PIK3R1: variants seen among roughly 807,000 people sequenced by gnomAD.
PIK3R1 encodes the protein phosphatidylinositol 3-kinase regulatory subunit alpha.
PIK3R1 carries 29 observed loss-of-function variants against 98.0 expected under a neutral mutation model. The observed-to-expected ratio is 0.30, with a 90% confidence interval of 0.22 to 0.40. PIK3R1 has a LOEUF of 0.40. Among genes scored for constraint, PIK3R1 ranks in the 10% least tolerant of loss-of-function variants. PIK3R1 has a pLI of 1.00. For missense variants in PIK3R1, 596 were observed against 872.7 expected (o/e 0.68, Z 3.99); for synonymous variants, 282 against 311.8 (o/e 0.90, Z 1.01).
At chr5:68,262,825 GTAGATACATGTATA>G (rs1745886241) in intron 2 of PIK3R1, among the ~76,000 whole-genome samples, 1 of 109,344 alleles carries the variant, frequency 9.1e-6, no homozygotes, top group Non-Finnish European at 1.9e-5. Flanking sequence ...GTAGATACAT[GTAGATACATGTATA>G]CATGTAGATA....
intron 2 of PIK3R1, among the ~76,000 whole-genome samples, chr5:68,232,580 G>C (rs1420500419): frequency 6.6e-6 from 1 of 152,184 alleles, no homozygotes; most frequent in Non-Finnish European, 1.5e-5. Context: ...TAGAGCTGCG[G>C]TGACAGTTAA....
intron 1 of PIK3R1, among the ~76,000 whole-genome samples, chr5:68,221,567 A>G (rs1316490631): frequency 1.3e-5 from 2 of 152,226 alleles, no homozygotes; most frequent in African/African-American, 4.8e-5. Flanking sequence ...GATTAATTTA[A>G]TGTGATTTAA....
chr5:68,296,300 C>G lies in PIK3R1; in HGVS notation c.1944C>G (p.Val648=). ...LRGKRDGTFL[V]RESSKQGCYA... ...GGAAGCGAGATGGCACTTTTCTTGT[C>G]CGGGAGAGCAGTAAACAGGGCTGCT... The change falls in exon 15 of 16, where the codon GTC becomes GTG. Residue 648 remains valine, a synonymous_variant. Coordinates refer to ENST00000521381, the MANE Select transcript of PIK3R1 (RefSeq NM_181523.3). 6.2e-7 allele frequency: 1 copy of G among 1,614,130 alleles called. No homozygotes were observed. Among genetic ancestry groups the G allele is most frequent in the Non-Finnish European group, 8.5e-7 (1 of 1,180,022 alleles).
At chr5:68,249,038 A>G (rs1361607477) in intron 2 of PIK3R1, among the ~76,000 whole-genome samples, 1 of 152,246 alleles carries the variant, frequency 6.6e-6, no homozygotes, top group Non-Finnish European at 1.5e-5. Context: ...AGATAGCTTC[A>G]TAAATATTAC....
At chr5:68,290,768 G>A (rs1271846284) in intron 7 of PIK3R1, 1 of 1,613,690 alleles carries the variant, frequency 6.2e-7, no homozygotes, top group Admixed American at 1.7e-5. Context: ...CCTGGATTTA[G>A]AATATGCCAA....
intron 2 of PIK3R1, among the ~76,000 whole-genome samples, chr5:68,248,315 A>G (rs188789316): frequency 3.9e-5 from 6 of 152,144 alleles, no homozygotes; most frequent in Non-Finnish European, 7.4e-5. Context: ...TTTCCCCACT[A>G]TCTGGATAGA....
At position 68,218,430 on chromosome 5, in the gene PIK3R1, A is replaced by G. The variant is rs541456700; in HGVS notation, c.-387+2481A>G. 1.2e-3 allele frequency among the ~76,000 whole-genome samples: 188 copies of G among 152,224 alleles called. 2 individuals carry two copies. The South Asian group carries it at 0.014, about 11-fold the overall frequency. ...ATATCAACCTAAATTGATATGTTCAATCAACATATTGGTCGTTCAGGGGAG... is the reference window on the plus strand; with the variant it reads ...ATATCAACCTAAATTGATATGTTCAGTCAACATATTGGTCGTTCAGGGGAG... On this transcript the variant is annotated intron_variant, in intron 1 of 15. Coordinates refer to ENST00000521381, the MANE Select transcript of PIK3R1 (RefSeq NM_181523.3).
In PIK3R1 at chr5:68,298,097, A is replaced by AT. The variant is rs764804986; in HGVS notation, c.*499dup. 6.5e-5 allele frequency: 15 copies of AT among 230,832 alleles called. 1 individual carries two copies. Among genetic ancestry groups the AT allele is most frequent in the Non-Finnish European group, 4.3e-5 (5 of 116,412 alleles). 14.3% of individuals were successfully genotyped at this position (230,832 alleles called of 1,614,324 possible). Reference sequence around the variant, plus strand: ...ACCCAGACACATCGCACTGTGGATTATTTCATTTTGTAACAAATGAACGAT... The same window carrying AT: ...ACCCAGACACATCGCACTGTGGATTATTTTCATTTTGTAACAAATGAACGAT... On this transcript the variant is annotated 3_prime_UTR_variant, in exon 16 of 16. Transcript: ENST00000521381.
chr5:68,299,196 T>C lies in PIK3R1; in HGVS notation c.*1595T>C, dbSNP rs1383300211. On this transcript the variant is annotated 3_prime_UTR_variant, in exon 16 of 16. Coordinates refer to ENST00000521381, the MANE Select transcript of PIK3R1 (RefSeq NM_181523.3). ...TAATCATCTCTGTCACATTAGACTA[T>C]CCATCATGACCAGCAAATACTCATT... The C allele has an allele frequency of 4.3e-6, 1 of 233,294 alleles. No homozygotes were observed. Among genetic ancestry groups the C allele is most frequent in the Non-Finnish European group, 8.5e-6 (1 of 117,942 alleles). The allele number at this position is 233,294 out of a possible 1,614,324, so 14.5% of individuals were successfully genotyped here.
Position 68,293,061 on chromosome 5 carries a change from T to A in PIK3R1, c.1020-40T>A, listed in dbSNP as rs549379116. The A allele has an allele frequency of 2.7e-6, 4 of 1,503,042 alleles. No individual in the cohort carries two copies. The South Asian group carries it at 4.6e-5, about 17-fold the overall frequency. 93.1% of individuals were successfully genotyped at this position (1,503,042 alleles called of 1,614,324 possible). On this transcript the variant is annotated intron_variant, in intron 8 of 15. Transcript: ENST00000521381. ...TTAAAAAATATAAATCTGTGGTCAC[T>A]AAACCTTAAGATGAGCATTGTTTTG...
chr5:68,241,554 T>C (rs1270916654), intron 2 of PIK3R1, among the ~76,000 whole-genome samples: 2 of 152,218 alleles, frequency 1.3e-5, no homozygotes, highest in African/African-American at 4.8e-5. Context: ...CATTGAACAT[T>C]TGCTTTGTTC....
At position 68,293,762 on chromosome 5, in the gene PIK3R1, A is replaced by C. The variant is rs1747527919; in HGVS notation, c.1353A>C (p.Glu451Asp). ...AAGCTGTAGGGAAAAAATTACATGA[A>C]TATAACACTCAGTTTCAAGAAAAAA... ...NIEAVGKKLH[E>D]YNTQFQEKSR... The change falls in exon 11 of 16, where the codon GAA (glutamate) becomes GAC (aspartate). Residue 451 changes from glutamate to aspartate, a missense_variant. Glu to Asp is a conservative substitution (Grantham distance 45, BLOSUM62 2). Transcript: ENST00000521381. 6.5e-7 allele frequency: 1 copy of C among 1,541,912 alleles called. No individual in the cohort carries two copies. Among genetic ancestry groups the C allele is most frequent in the African/African-American group, 1.4e-5 (1 of 73,370 alleles).
At chr5:68,217,167 C>T (rs1422878180) in intron 1 of PIK3R1, among the ~76,000 whole-genome samples, 1 of 152,080 alleles carries the variant, frequency 6.6e-6, no homozygotes, top group Non-Finnish European at 1.5e-5. Context: ...GTTTTGAATG[C>T]AACATAAGAT....
intron 2 of PIK3R1, among the ~76,000 whole-genome samples, chr5:68,258,625 C>G (rs1296743849): frequency 6.6e-6 from 1 of 152,184 alleles, no homozygotes; most frequent in East Asian, 1.9e-4. Context: ...TTTCCCTGAT[C>G]ATTGAACCTT....
chr5:68,265,880 T>C (rs1044314227), intron 2 of PIK3R1, among the ~76,000 whole-genome samples: 7 of 152,208 alleles, frequency 4.6e-5, no homozygotes, highest in Admixed American at 4.6e-4. Flanking sequence ...TATTTAAAAA[T>C]GTCAGAGAAA....
chr5:68,271,731 T>C (rs1746368014), intron 2 of PIK3R1, among the ~76,000 whole-genome samples: 1 of 152,230 alleles, frequency 6.6e-6, no homozygotes. Context: ...TTTTCCCTCA[T>C]AATATAGCTC....
chr5:68,281,189 C>T (rs779876733), intron 7 of PIK3R1, among the ~76,000 whole-genome samples, 183 bp downstream of exon 7: 37 of 152,072 alleles, frequency 2.4e-4, no homozygotes, highest in Non-Finnish European at 4.6e-4. Flanking sequence ...AATTATTATC[C>T]GAGTTTCAAC....
rs972251443 is a variant in PIK3R1, at chr5:68,226,777, A to G, written c.102A>G (p.Lys34=). ...LHLGDILTVN[K]GSLVALGFSD... is the part of the protein sequence containing the mutation. Reference sequence around the variant, plus strand: ...TGGGTGACATATTGACTGTGAATAAAGGGTCCTTAGTAGCTCTTGGATTCA... The same window carrying G: ...TGGGTGACATATTGACTGTGAATAAGGGGTCCTTAGTAGCTCTTGGATTCA... Residue 34 remains lysine (K), a synonymous_variant, in exon 2 of 16, where the codon AAA becomes AAG. Coordinates refer to ENST00000521381, the MANE Select transcript of PIK3R1 (RefSeq NM_181523.3). The G allele has an allele frequency of 2.5e-6, 4 of 1,614,036 alleles. No individual in the cohort carries two copies. The highest frequency in any genetic ancestry group is 3.3e-5 in the Admixed American group (2 of 59,998).
chr5:68,258,800 C>G (rs979660128), intron 2 of PIK3R1, among the ~76,000 whole-genome samples: 1 of 152,134 alleles, frequency 6.6e-6, no homozygotes, highest in African/African-American at 2.4e-5. Context: ...TTGTGACAAA[C>G]GCCAGGATGC....
Sources: gnomAD v4.1 joint callset for allele counts (sites outside exome capture counted in the v4.1 genomes callset) on GRCh38, gnomAD v4.1.1 for gene constraint, MANE v1.5 for transcripts, NCBI Gene and HGNC (gene_info 2026-07-23, HGNC 2026-07-21) for gene names.